The following SAMD5 variants were observed in gnomAD, a reference collection of about 807,000 sequenced individuals.
The protein encoded by SAMD5 is sterile alpha motif domain containing 5, also known as sterile alpha motif domain-containing protein 5.
A neutral mutation model predicts 11.3 loss-of-function variants in SAMD5; 13 were observed. The ratio of observed to expected loss-of-function variants is 1.15; its 90% CI spans 0.75 to 1.83. The LOEUF (loss-of-function observed/expected upper bound fraction) is 1.83, where lower values mean the gene tolerates loss of function less well. SAMD5 is among the 40% of genes most tolerant of loss of function. The probability of loss-of-function intolerance (pLI) is 0.00; values close to 1 mark genes in which losing one functional copy is unlikely to be tolerated. For synonymous variants in SAMD5, 129 were observed against 111.3 expected (o/e 1.16, Z -1.00); for missense variants, 255 against 239.1 (o/e 1.07, Z -0.44).
the SAMD5 span, among the ~76,000 whole-genome samples, chr6:147,763,218 G>A: frequency 1.6e-3 from 239 of 152,180 alleles, no homozygotes; most frequent in African/African-American, 5.5e-3. Flanking sequence ...GGAGTACAGT[G>A]ACACAATCTC....
chr6:147,658,882 A>G (rs1790607424), intron 1 of SAMD5, among the ~76,000 whole-genome samples: 1 of 152,206 alleles, frequency 6.6e-6, no homozygotes, highest in Non-Finnish European at 1.5e-5. Flanking sequence ...TGGATCAGCT[A>G]ATTTGATCTG....
At chr6:147,702,686 G>C (rs1480929612) in intron 1 of SAMD5, among the ~76,000 whole-genome samples, 1 of 152,150 alleles carries the variant, frequency 6.6e-6, no homozygotes, top group African/African-American at 2.4e-5. Flanking sequence ...TTGGGTGCAA[G>C]CTCTCTTGCT....
the SAMD5 span, among the ~76,000 whole-genome samples, chr6:147,902,161 G>C: frequency 6.6e-6 from 1 of 151,862 alleles, no homozygotes; most frequent in African/African-American, 2.4e-5. Context: ...AATCATTCCT[G>C]GTCCAAATGG....
At chr6:147,769,844 T>G in the SAMD5 span, among the ~76,000 whole-genome samples, 2 of 152,218 alleles carry the variant, frequency 1.3e-5, no homozygotes, top group Non-Finnish European at 2.9e-5. Context: ...ACTTTCCCTT[T>G]GGTCTATGGT....
chr6:147,912,895 C>CA, the SAMD5 span, among the ~76,000 whole-genome samples: 484 of 122,098 alleles, frequency 4.0e-3, 1 homozygote, highest in African/African-American at 0.011. Context: ...GCTTATTTTA[C>CA]AAAAAAAAAA....
At chr6:147,810,486 C>A in the SAMD5 span, among the ~76,000 whole-genome samples, 7 of 152,118 alleles carry the variant, frequency 4.6e-5, no homozygotes, top group Admixed American at 2.6e-4. Context: ...GGTCCTGGTA[C>A]CTCCTAGAGA....
intron 1 of SAMD5, among the ~76,000 whole-genome samples, chr6:147,731,451 A>G (rs1042987897): frequency 5.3e-5 from 8 of 152,108 alleles, no homozygotes; most frequent in Non-Finnish European, 8.8e-5. Flanking sequence ...TGTGATGGAG[A>G]AAACTGACTT....
chr6:147,530,237 G>C (rs142197308), intron 1 of SAMD5, among the ~76,000 whole-genome samples: 1 of 152,334 alleles, frequency 6.6e-6, no homozygotes, highest in East Asian at 1.9e-4. Context: ...ACTATCATTG[G>C]AGGTGTTGTG....
At chr6:147,588,129 A>C (rs1257653424) in intron 1 of SAMD5, among the ~76,000 whole-genome samples, 6 of 152,120 alleles carry the variant, frequency 3.9e-5, no homozygotes, top group African/African-American at 1.4e-4. Context: ...GCTAAGGAAC[A>C]AAGTCCAGGG....
At chr6:147,689,128 A>G (rs180731409) in intron 1 of SAMD5, among the ~76,000 whole-genome samples, 105 of 152,278 alleles carry the variant, frequency 6.9e-4, no homozygotes, top group African/African-American at 2.3e-3. Context: ...AAAGTCCTAG[A>G]AAGTTTTAAT....
the SAMD5 span, among the ~76,000 whole-genome samples, chr6:147,818,057 A>T: frequency 6.6e-6 from 1 of 152,258 alleles, no homozygotes; most frequent in Non-Finnish European, 1.5e-5. Flanking sequence ...CTTCTAGTGC[A>T]TATCACATTA....
chr6:147,536,798 T>G (rs1788516385), intron 1 of SAMD5, among the ~76,000 whole-genome samples: 1 of 152,100 alleles, frequency 6.6e-6, no homozygotes, highest in African/African-American at 2.4e-5. Context: ...AATTTTGGAA[T>G]ATATATAATA....
chr6:147,754,662 C>T, the SAMD5 span, among the ~76,000 whole-genome samples: 14 of 152,002 alleles, frequency 9.2e-5, 1 homozygote, highest in East Asian at 3.9e-4. Context: ...AGATTTTCCC[C>T]GATGTTTTCT....
the SAMD5 span, among the ~76,000 whole-genome samples, chr6:147,877,881 C>CACACACACACACACAT: frequency 2.4e-5 from 2 of 82,328 alleles, no homozygotes; most frequent in Non-Finnish European, 5.1e-5. Context: ...CACACACACA[C>CACACACACACACACAT]GATAGATAGA....
At chr6:147,527,862 G>A (rs1212652091) in intron 1 of SAMD5, among the ~76,000 whole-genome samples, 1 of 152,076 alleles carries the variant, frequency 6.6e-6, no homozygotes. Flanking sequence ...TCACAGTTCT[G>A]CAGGCTATGC....
chr6:147,674,455 C>G (rs949794806), intron 1 of SAMD5, among the ~76,000 whole-genome samples: 2 of 152,156 alleles, frequency 1.3e-5, no homozygotes, highest in African/African-American at 2.4e-5. Flanking sequence ...TTGCACGCAC[C>G]CAACTCAGTT....
the SAMD5 span, among the ~76,000 whole-genome samples, chr6:147,829,218 G>T: frequency 5.3e-5 from 8 of 152,216 alleles, no homozygotes; most frequent in South Asian, 4.1e-4. Context: ...ACTCAAGCCA[G>T]TGGAGCAAAT....
chr6:147,849,573 AT>A, the SAMD5 span, among the ~76,000 whole-genome samples: 1 of 152,102 alleles, frequency 6.6e-6, no homozygotes, highest in Non-Finnish European at 1.5e-5. Context: ...GCTCAGCATT[AT>A]TTTTTGTATC....
the SAMD5 span, among the ~76,000 whole-genome samples, chr6:147,752,425 A>G: frequency 6.6e-6 from 1 of 152,222 alleles, no homozygotes; most frequent in Non-Finnish European, 1.5e-5. Context: ...TTCAATATAC[A>G]TACTGTCACA....
Sources: gnomAD v4.1 joint callset for allele counts (sites outside exome capture counted in the v4.1 genomes callset) on GRCh38, gnomAD v4.1.1 for gene constraint, MANE v1.5 for transcripts, NCBI Gene and HGNC (gene_info 2026-07-23, HGNC 2026-07-21) for gene names.